Variants in CREBRF observed in about 807,000 individuals in gnomAD.
The protein encoded by CREBRF is UPF0474 protein C5orf41.
A neutral mutation model predicts 66.1 loss-of-function variants in CREBRF; 5 were observed. That is an observed-to-expected ratio of 0.08 (90% CI 0.04 to 0.16). The LOEUF (loss-of-function observed/expected upper bound fraction) is 0.16, where lower values mean the gene tolerates loss of function less well. Among genes scored for constraint, CREBRF ranks in the 10% least tolerant of loss-of-function variants. The probability of loss-of-function intolerance (pLI) is 1.00; values close to 1 mark genes in which losing one functional copy is unlikely to be tolerated. For missense variants in CREBRF, 531 were observed against 744.9 expected, an observed-to-expected ratio of 0.71 and a Z score of 3.34; for synonymous variants, 229 against 264.4, an observed-to-expected ratio of 0.87 and a Z score of 1.30.
intron 1 of CREBRF, among the ~76,000 whole-genome samples, chr5:173,057,003 C>G (rs1757071319): frequency 6.9e-6 from 1 of 144,866 alleles, no homozygotes; most frequent in Non-Finnish European, 1.5e-5. Flanking sequence ...CGAAGAGGCG[C>G]GGGCTGGGGC....
intron 2 of CREBRF, among the ~76,000 whole-genome samples, chr5:173,084,881 G>A (rs1561800671): frequency 6.6e-6 from 1 of 152,146 alleles, no homozygotes; most frequent in South Asian, 2.1e-4. Context: ...TCCTGACCTC[G>A]TGATCCACCT....
intron 2 of CREBRF, 122 bp from the exon 3 acceptor site, chr5:173,086,379 A>G: frequency 2.3e-6 from 2 of 877,834 alleles, no homozygotes; most frequent in Non-Finnish European, 1.8e-6. Context: ...GTAGAAAAAA[A>G]GTATAGAAAT....
rs1426047967 is a variant in CREBRF, at chr5:173,133,703, T to C, written c.1878T>C (p.Thr626=). 6.8e-6 allele frequency: 11 copies of C among 1,612,206 alleles called. No individual in the cohort carries two copies. In the East Asian group the frequency reaches 2.5e-4, roughly 36 times the overall value. ...VLEKTAEGNP[T]GGLVGLRIPT... ...AGAAGACTGCAGAAGGGAATCCCACTGGAGGCCTTGTAGGATTAAGGATAC... is the reference window on the plus strand; with the variant it reads ...AGAAGACTGCAGAAGGGAATCCCACCGGAGGCCTTGTAGGATTAAGGATAC... The change falls in exon 9 of 9, where the codon ACT becomes ACC. Residue 626 remains threonine (T), a synonymous_variant. Transcript: ENST00000296953.
chr5:173,123,673 A>G (rs746456470), intron 8 of CREBRF: 61 of 157,394 alleles, frequency 3.9e-4, no homozygotes, highest in Non-Finnish European at 6.9e-4. Context: ...CAGGGAAGAG[A>G]GAGCTAGCTA....
intron 7 of CREBRF, among the ~76,000 whole-genome samples, chr5:173,122,818 A>G (rs1759172648): frequency 8.2e-6 from 1 of 122,066 alleles, no homozygotes; most frequent in Non-Finnish European, 1.6e-5. Flanking sequence ...CTCATTGTTC[A>G]ATTCCCATCT....
chr5:173,059,345 A>G (rs185147079), intron 1 of CREBRF, among the ~76,000 whole-genome samples: 5 of 140,766 alleles, frequency 3.6e-5, no homozygotes, highest in Middle Eastern at 4.2e-3. Flanking sequence ...GCTCACTGCA[A>G]TCTCCGCCTC....
chr5:173,089,336 T>C (rs1000286214), intron 3 of CREBRF, among the ~76,000 whole-genome samples: 1 of 152,040 alleles, frequency 6.6e-6, no homozygotes, highest in African/African-American at 2.4e-5. Context: ...AAAACGTAAC[T>C]AACAGGTTCT....
chr5:173,077,048 A>G (rs1453418193), intron 1 of CREBRF, among the ~76,000 whole-genome samples: 1 of 151,306 alleles, frequency 6.6e-6, no homozygotes, highest in East Asian at 2.0e-4. Context: ...GGTTCAAGCG[A>G]TTCTCCTGCC....
chr5:173,101,488 C>A (rs867202308), intron 4 of CREBRF, among the ~76,000 whole-genome samples: 2 of 151,210 alleles, frequency 1.3e-5, no homozygotes, highest in South Asian at 4.2e-4. Context: ...TTTTCTCTTG[C>A]TGCTTTCAAA....
At position 173,129,832 on chromosome 5, in the gene CREBRF, G is replaced by T. The variant is rs1759372629; in HGVS notation, c.1805-3798G>T. On this transcript the variant is annotated intron_variant, in intron 8 of 8. Transcript: ENST00000296953. ...TTTTCTTAGATTTTTTTGTTTGTTT[G>T]TTTTTTGTTTTTGAGACAGAGTCTC... Among the ~76,000 whole-genome samples the T allele has an allele frequency of 2.7e-5, 4 of 150,788 alleles. No individual in the cohort carries two copies. The South Asian group carries it at 8.4e-4, about 32-fold the overall frequency.
At chr5:173,079,222 C>T (rs1442273760) in intron 1 of CREBRF, among the ~76,000 whole-genome samples, 3 of 151,904 alleles carry the variant, frequency 2.0e-5, no homozygotes, top group Non-Finnish European at 4.4e-5. Context: ...GAGCTGGGAA[C>T]GACAGCCCAC....
rs1406090492 is a variant in CREBRF, at chr5:173,082,014, T to TG, written c.9+1230_9+1231insG. Among the ~76,000 whole-genome samples, 16 of 113,784 alleles carry TG rather than the reference T, an allele frequency of 1.4e-4. 1 individual carries two copies. Among genetic ancestry groups the TG allele is most frequent in the Non-Finnish European group, 3.1e-4 (16 of 51,556 alleles). The allele number at this position is 113,784 out of a possible 152,430, so 74.6% of individuals were successfully genotyped here. On this transcript the variant is annotated intron_variant, in intron 2 of 8. Transcript: ENST00000296953. ...CCATTCAAGGTTTAGTTTTTTTTTTTTTTTTTTTTTTTTTTTTGAGCTGGA... is the reference window on the plus strand; with the variant it reads ...CCATTCAAGGTTTAGTTTTTTTTTTTGTTTTTTTTTTTTTTTTTGAGCTGGA...
intron 1 of CREBRF, among the ~76,000 whole-genome samples, chr5:173,076,766 AAAG>A (rs1187805889): frequency 2.6e-5 from 4 of 151,532 alleles, no homozygotes; most frequent in Non-Finnish European, 4.4e-5. Flanking sequence ...AAAAAAAAAA[AAAG>A]AGAGTGTTTA....
chr5:173,091,377 A>G lies in CREBRF; in HGVS notation c.1198A>G (p.Ile400Val). The change falls in exon 4 of 9, where the codon ATT (isoleucine) becomes GTT (valine). Residue 400 changes from isoleucine to valine, a missense_variant. Around this residue, in one of 5 missense-constraint regions of CREBRF, gnomAD observed 309 missense variants for 341.4 expected, o/e 0.90. Coordinates refer to ENST00000296953, the MANE Select transcript of CREBRF (RefSeq NM_153607.3). ...EDYEDDKDDD[I>V]SDTFSEPGYE... ...TTATGAAGATGACAAGGATGATGAT[A>G]TTAGTGATACTTTCTCTGAACCAGG... is the stretch of plus-strand genomic sequence containing the variant. 1.2e-6 allele frequency: 2 copies of G among 1,613,996 alleles called. No individual in the cohort carries two copies. The highest frequency in any genetic ancestry group is 1.7e-6 in the Non-Finnish European group (2 of 1,179,950).
intron 1 of CREBRF, among the ~76,000 whole-genome samples, chr5:173,064,025 G>GT: frequency 1.3e-5 from 2 of 151,964 alleles, no homozygotes; most frequent in Admixed American, 1.3e-4. Flanking sequence ...CTGGCCTAAA[G>GT]TTTTTTTTCT....
chr5:173,066,783 A>G (rs1320108209), intron 1 of CREBRF, among the ~76,000 whole-genome samples: 3 of 140,512 alleles, frequency 2.1e-5, no homozygotes, highest in Non-Finnish European at 4.6e-5. Context: ...TGAGATACTC[A>G]TATTGTGTCG....
chr5:173,109,308 C>G (rs1302612643), intron 5 of CREBRF: 1 of 152,852 alleles, frequency 6.5e-6, no homozygotes, highest in East Asian at 1.9e-4. Flanking sequence ...ATACCTGTAG[C>G]AGGAATCAGA....
chr5:173,073,245 C>T (rs1222307754), intron 1 of CREBRF, among the ~76,000 whole-genome samples: 1 of 152,198 alleles, frequency 6.6e-6, no homozygotes, highest in Non-Finnish European at 1.5e-5. Flanking sequence ...TTGGACAAAT[C>T]TCTTACCCTT....
At chr5:173,099,153 A>G (rs186722935) in intron 4 of CREBRF, among the ~76,000 whole-genome samples, 6 of 152,136 alleles carry the variant, frequency 3.9e-5, no homozygotes, top group East Asian at 1.9e-4. Context: ...TATGGCTTAC[A>G]TGCATCCTTT....
Sources: gnomAD v4.1 joint callset for allele counts (sites outside exome capture counted in the v4.1 genomes callset) on GRCh38, gnomAD v4.1.1 for gene constraint, gnomAD v4.1.1 regional missense constraint, MANE v1.5 for transcripts, NCBI Gene and HGNC (gene_info 2026-07-23, HGNC 2026-07-21) for gene names.